EXOC6B: variants seen among roughly 807,000 people sequenced by gnomAD.
EXOC6B encodes the protein SEC15 homolog B.
Under a neutral mutation model 113.5 loss-of-function variants are expected in EXOC6B, and 54 were observed. The ratio of observed to expected loss-of-function variants is 0.48; its 90% confidence interval spans 0.38 to 0.60. The LOEUF (loss-of-function observed/expected upper bound fraction) is 0.60. Ranked by LOEUF, EXOC6B falls within the 20% of genes least tolerant of loss-of-function variation. The pLI, the probability that EXOC6B is intolerant of heterozygous loss-of-function variation, is 0.00. For synonymous variants in EXOC6B, 357 were observed against 339.0 expected, an observed-to-expected ratio of 1.05 and a Z score of -0.58; for missense variants, 797 against 977.5, an observed-to-expected ratio of 0.82 and a Z score of 2.46.
chr2:72,242,037 T>C lies in EXOC6B; in HGVS notation c.2197-57850A>G, dbSNP rs114765752. 3.4e-3 allele frequency among the ~76,000 whole-genome samples: 511 copies of C among 151,974 alleles called. 6 individuals carry two copies. The highest frequency in any genetic ancestry group is 0.011 in the African/African-American group (469 of 41,444). ...GGGCAACATACCAAGACCTCGTCTCTACAAAAAAATAAAATGAAAATTACC... is the reference window on the plus strand; with the variant it reads ...GGGCAACATACCAAGACCTCGTCTCCACAAAAAAATAAAATGAAAATTACC... On this transcript the variant is annotated intron_variant, in intron 20 of 21. Coordinates refer to ENST00000272427, the MANE Select transcript of EXOC6B (RefSeq NM_015189.3).
At chr2:72,654,349 G>T (rs944307669) in intron 6 of EXOC6B, among the ~76,000 whole-genome samples, 1 of 152,196 alleles carries the variant, frequency 6.6e-6, no homozygotes, top group African/African-American at 2.4e-5. Flanking sequence ...CTTCCAACAT[G>T]TCTTATTCCC....
chr2:72,710,480 G>T lies in EXOC6B; in HGVS notation c.669+7623C>A, dbSNP rs114069719. 9.3e-3 allele frequency among the ~76,000 whole-genome samples: 1,420 copies of T among 152,144 alleles called. 20 individuals are homozygous for T. The highest frequency in any genetic ancestry group is 0.033 in the African/African-American group (1,365 of 41,512). On this transcript the variant is annotated intron_variant, in intron 6 of 21. Transcript: ENST00000272427. ...CCCCAGACCATTCATTTAGGCAAAA[G>T]AGTAAGAAGCAAAAATTGGTACAAA...
intron 19 of EXOC6B, among the ~76,000 whole-genome samples, chr2:72,350,612 A>C (rs1689596812): frequency 1.3e-5 from 2 of 152,218 alleles, no homozygotes; most frequent in Admixed American, 1.3e-4. Flanking sequence ...AAAAAGGAGA[A>C]GAGAATCTCT....
intron 18 of EXOC6B, among the ~76,000 whole-genome samples, chr2:72,393,065 G>C (rs965681514): frequency 6.6e-6 from 1 of 151,282 alleles, no homozygotes; most frequent in African/African-American, 2.4e-5. Flanking sequence ...CTTAATGAAG[G>C]TTTGGTTTTT....
intron 7 of EXOC6B, among the ~76,000 whole-genome samples, chr2:72,563,817 G>A (rs1183454797): frequency 6.6e-6 from 1 of 151,976 alleles, no homozygotes; most frequent in Non-Finnish European, 1.5e-5. Flanking sequence ...AAAGTAAATG[G>A]TTAAGTTCCT....
At chr2:72,658,031 A>G (rs897771309) in intron 6 of EXOC6B, among the ~76,000 whole-genome samples, 1 of 150,398 alleles carries the variant, frequency 6.6e-6, no homozygotes, top group Non-Finnish European at 1.5e-5. Flanking sequence ...TAATTAAAAT[A>G]AAGCACTACA....
chr2:72,252,219 A>G (rs950990653), intron 20 of EXOC6B, among the ~76,000 whole-genome samples: 3 of 152,122 alleles, frequency 2.0e-5, no homozygotes, highest in Non-Finnish European at 2.9e-5. Flanking sequence ...AAATTATACA[A>G]TTTTACTTAA....
chr2:72,554,196 T>C (rs1236732514), intron 8 of EXOC6B, among the ~76,000 whole-genome samples: 2 of 152,132 alleles, frequency 1.3e-5, no homozygotes, highest in Non-Finnish European at 2.9e-5. Flanking sequence ...GACATCTCAA[T>C]AGCTTTAGAT....
intron 20 of EXOC6B, among the ~76,000 whole-genome samples, chr2:72,206,919 T>G (rs1320161163): frequency 6.6e-6 from 1 of 152,212 alleles, no homozygotes; most frequent in Non-Finnish European, 1.5e-5. Flanking sequence ...CAGAAAAAAC[T>G]TATTTAATTC....
At chr2:72,808,431 C>T (rs1408195356) in intron 1 of EXOC6B, among the ~76,000 whole-genome samples, 1 of 151,954 alleles carries the variant, frequency 6.6e-6, no homozygotes, top group Non-Finnish European at 1.5e-5. Flanking sequence ...AGAGAAATCA[C>T]ACACACACAA....
intron 18 of EXOC6B, among the ~76,000 whole-genome samples, chr2:72,402,909 C>A (rs1231415309): frequency 3.9e-5 from 6 of 152,066 alleles, no homozygotes; most frequent in Non-Finnish European, 7.4e-5. Flanking sequence ...TCATGTAGAG[C>A]TGAAGTTTTG....
intron 6 of EXOC6B, among the ~76,000 whole-genome samples, chr2:72,698,375 G>C (rs1231434581): frequency 6.6e-6 from 1 of 152,106 alleles, no homozygotes; most frequent in South Asian, 2.1e-4. Flanking sequence ...TAAGAGATAA[G>C]GTTATCGATA....
chr2:72,649,468 T>C (rs1203480223), intron 6 of EXOC6B, among the ~76,000 whole-genome samples: 1 of 152,126 alleles, frequency 6.6e-6, no homozygotes, highest in Non-Finnish European at 1.5e-5. Context: ...TCACGTATCA[T>C]ATAAATATAT....
chr2:72,457,410 T>A (rs1478223399), intron 18 of EXOC6B, among the ~76,000 whole-genome samples: 1 of 152,078 alleles, frequency 6.6e-6, no homozygotes, highest in African/African-American at 2.4e-5. Context: ...ATAGGTATCA[T>A]TGTATTACTA....
chr2:72,512,208 T>C (rs1454003623), intron 11 of EXOC6B, among the ~76,000 whole-genome samples: 4 of 152,050 alleles, frequency 2.6e-5, no homozygotes, highest in Non-Finnish European at 5.9e-5. Context: ...TACATGTTTA[T>C]TGGATATCTC....
At chr2:72,772,847 A>G (rs1683479472) in intron 1 of EXOC6B, among the ~76,000 whole-genome samples, 1 of 152,058 alleles carries the variant, frequency 6.6e-6, no homozygotes, top group Non-Finnish European at 1.5e-5. Context: ...ATGCACAACT[A>G]CCAAACCAAA....
intron 1 of EXOC6B, among the ~76,000 whole-genome samples, chr2:72,761,823 T>C (rs1228844640): frequency 2.6e-5 from 4 of 151,982 alleles, no homozygotes; most frequent in African/African-American, 9.7e-5. Flanking sequence ...ATTATAAAAC[T>C]GTTCAGGAGC....
intron 20 of EXOC6B, among the ~76,000 whole-genome samples, chr2:72,234,155 C>T (rs1442720513): frequency 1.3e-5 from 2 of 149,618 alleles, no homozygotes; most frequent in Non-Finnish European, 3.0e-5. Flanking sequence ...GGTGCAATCT[C>T]AGCTCACTGC....
intron 16 of EXOC6B, among the ~76,000 whole-genome samples, chr2:72,488,624 T>C (rs1699560902): frequency 6.6e-6 from 1 of 152,178 alleles, no homozygotes; most frequent in African/African-American, 2.4e-5. Context: ...AGTCAAAAAA[T>C]CCTGGAGTTA....
Sources: allele counts gnomAD v4.1 joint callset (sites outside exome capture counted in the v4.1 genomes callset), GRCh38; gene constraint gnomAD v4.1.1; transcripts MANE v1.5; gene names NCBI Gene and HGNC (gene_info 2026-07-23, HGNC 2026-07-21).